The following TULP4 variants were observed in gnomAD, a reference collection of about 807,000 sequenced individuals.
TULP4 encodes the protein TUB like protein 4.
Under a neutral mutation model 129.0 loss-of-function variants are expected in TULP4, and 16 were observed. That is an observed-to-expected ratio of 0.12 (90% CI 0.08 to 0.19). The LOEUF (loss-of-function observed/expected upper bound fraction) is 0.19. Among genes scored for constraint, TULP4 ranks in the 10% least tolerant of loss-of-function variants. TULP4 has a pLI of 1.00. For missense variants in TULP4, 1,842 were observed against 2,059.1 expected, an observed-to-expected ratio of 0.89 and a Z score of 2.04; for synonymous variants, 998 against 854.0, an observed-to-expected ratio of 1.17 and a Z score of -2.94.
At chr6:158,486,745 G>A (rs1780081118) in intron 8 of TULP4, among the ~76,000 whole-genome samples, 1 of 152,112 alleles carries the variant, frequency 6.6e-6, no homozygotes, top group African/African-American at 2.4e-5. Flanking sequence ...TGTTATCGTA[G>A]CCTGAGCAGA....
rs377659848 is a variant in TULP4, at chr6:158,501,854, G to A, written c.2191G>A (p.Val731Ile). ...LDVLTNQTTA[V>I]GTAEHAGDSA... is the part of the protein sequence containing the mutation. ...TGTCCTGACCAACCAGACGACAGCT[G>A]TAGGGACAGCAGAACATGCAGGTGA... is the stretch of plus-strand genomic sequence containing the variant. The change falls in exon 13 of 14, where the codon GTA becomes ATA. Residue 731 changes from valine (V) to isoleucine (I), a missense_variant. By Grantham distance (29) the Val-to-Ile change is conservative. Coordinates refer to ENST00000367097, the MANE Select transcript of TULP4 (RefSeq NM_020245.5). The A allele has an allele frequency of 2.3e-5, 37 of 1,614,186 alleles. No individual in the cohort carries two copies. In the East Asian group the frequency reaches 3.8e-4, roughly 17 times the overall value.
chr6:158,496,260 G>A (rs377606718), intron 11 of TULP4, among the ~76,000 whole-genome samples: 6 of 152,240 alleles, frequency 3.9e-5, no homozygotes, highest in Non-Finnish European at 8.8e-5. Flanking sequence ...CGTGCTGTGC[G>A]TAACCTACTA....
intron 1 of TULP4, among the ~76,000 whole-genome samples, chr6:158,285,024 C>T (rs920034175): frequency 3.9e-5 from 6 of 152,196 alleles, no homozygotes; most frequent in African/African-American, 7.2e-5. Flanking sequence ...TCGGGTTCAA[C>T]ACTTTTCTGT....
chr6:158,252,805 C>T (rs1167745912), intron 1 of TULP4, among the ~76,000 whole-genome samples: 3 of 152,180 alleles, frequency 2.0e-5, no homozygotes, highest in African/African-American at 4.8e-5. Context: ...AATGGCCACT[C>T]CGTAGGCAGA....
intron 1 of TULP4, among the ~76,000 whole-genome samples, chr6:158,274,025 C>T (rs559724153): frequency 6.6e-6 from 1 of 152,074 alleles, no homozygotes; most frequent in South Asian, 2.1e-4. Flanking sequence ...TTTGGGAGGC[C>T]GAGGTGGGTG....
At chr6:158,319,189 G>C (rs1373600677) in intron 1 of TULP4, among the ~76,000 whole-genome samples, 2 of 152,156 alleles carry the variant, frequency 1.3e-5, no homozygotes, top group East Asian at 3.9e-4. Flanking sequence ...TTTTATTATG[G>C]GGGCTGCCCA....
chr6:158,234,363 C>A (rs779855670), intron 1 of TULP4, among the ~76,000 whole-genome samples: 2 of 152,206 alleles, frequency 1.3e-5, no homozygotes, highest in African/African-American at 2.4e-5. Context: ...CAGCAGCCTT[C>A]CTTCAGGCCA....
intron 2 of TULP4, among the ~76,000 whole-genome samples, chr6:158,426,171 A>G (rs910554329): frequency 6.6e-6 from 1 of 151,696 alleles, no homozygotes; most frequent in Non-Finnish European, 1.5e-5. Context: ...CATTCTGTAG[A>G]TTGTCTATTT....
At chr6:158,314,335 G>C in intron 1 of TULP4, 67 bp downstream of exon 1, 2 of 1,553,156 alleles carry the variant, frequency 1.3e-6, no homozygotes, top group South Asian at 2.4e-5. Flanking sequence ...TTGTGGACTT[G>C]AAACTTCCTT....
At chr6:158,345,235 A>G (rs1402316708) in intron 1 of TULP4, among the ~76,000 whole-genome samples, 2 of 152,048 alleles carry the variant, frequency 1.3e-5, no homozygotes, top group African/African-American at 4.8e-5. Flanking sequence ...GCAGCCTCAA[A>G]CTCCTGGATT....
At chr6:158,365,568 GCA>G (rs1562536506) in intron 1 of TULP4, among the ~76,000 whole-genome samples, 1 of 147,030 alleles carries the variant, frequency 6.8e-6, no homozygotes, top group Non-Finnish European at 1.5e-5. Context: ...GCTCCGCCTC[GCA>G]GGTTCACGCC....
chr6:158,378,463 G>GATTTTTTTT (rs1777241717), intron 1 of TULP4, among the ~76,000 whole-genome samples: 1 of 53,642 alleles, frequency 1.9e-5, no homozygotes, highest in East Asian at 1.1e-3. Flanking sequence ...GGGGGAGCCA[G>GATTTTTTTT]TTTTTTTTTT....
chr6:158,297,232 C>A (rs914885128), intron 1 of TULP4, among the ~76,000 whole-genome samples: 1 of 152,144 alleles, frequency 6.6e-6, no homozygotes, highest in Admixed American at 6.5e-5. Flanking sequence ...CTACTTGGCA[C>A]GTCCATTTAT....
intron 1 of TULP4, among the ~76,000 whole-genome samples, chr6:158,402,058 A>G (rs1253577172): frequency 1.3e-5 from 2 of 152,212 alleles, no homozygotes; most frequent in Non-Finnish European, 2.9e-5. Flanking sequence ...CTGATTTATG[A>G]GAAAGTTGTG....
upstream of TULP4, among the ~76,000 whole-genome samples, chr6:158,309,190 C>T (rs1168578361): frequency 6.0e-5 from 3 of 50,078 alleles, no homozygotes; most frequent in African/African-American, 1.1e-4. Flanking sequence ...GGTTGCCAGG[C>T]GGAGGGTCTC....
intron 1 of TULP4, among the ~76,000 whole-genome samples, chr6:158,365,899 CTTTTTTTT>C (rs5881257): frequency 5.2e-5 from 3 of 57,544 alleles, no homozygotes; most frequent in Non-Finnish European, 8.8e-5. Context: ...CTTTTTCTTT[CTTTTTTTT>C]TTTTTTTTTT....
chr6:158,402,121 C>G (rs1777865165), intron 1 of TULP4, among the ~76,000 whole-genome samples: 1 of 152,188 alleles, frequency 6.6e-6, no homozygotes, highest in Admixed American at 6.5e-5. Flanking sequence ...TTTTGAGCTG[C>G]TTTGAGCTTC....
At chr6:158,406,002 AG>A (rs1222371926) in intron 1 of TULP4, among the ~76,000 whole-genome samples, 2 of 152,216 alleles carry the variant, frequency 1.3e-5, no homozygotes, top group Admixed American at 6.5e-5. Flanking sequence ...CAAAGAATGA[AG>A]TGGCTCCTCT....
At chr6:158,276,265 C>T (rs1284488018) in intron 1 of TULP4, among the ~76,000 whole-genome samples, 5 of 151,518 alleles carry the variant, frequency 3.3e-5, no homozygotes, top group South Asian at 2.1e-4. Flanking sequence ...CCACTGCGCC[C>T]GGCTGGGAGA....
Sources: allele counts gnomAD v4.1 joint callset (sites outside exome capture counted in the v4.1 genomes callset), GRCh38; gene constraint gnomAD v4.1.1; transcripts MANE v1.5; gene names NCBI Gene and HGNC (gene_info 2026-07-23, HGNC 2026-07-21).